EMSY: variants seen among roughly 807,000 people sequenced by gnomAD.
The protein encoded by EMSY is EMSY transcriptional repressor, BRCA2 interacting.
EMSY carries 26 observed loss-of-function variants against 134.6 expected under a neutral mutation model. The ratio of observed to expected loss-of-function variants is 0.19; its 90% CI spans 0.14 to 0.27. EMSY has a LOEUF of 0.27. Among genes scored for constraint, EMSY ranks in the 10% least tolerant of loss-of-function variants. The pLI is 1.00. For synonymous variants in EMSY, 579 were observed against 577.8 expected, an observed-to-expected ratio of 1.00 and a Z score of -0.03; for missense variants, 1,305 against 1,611.4, an observed-to-expected ratio of 0.81 and a Z score of 3.26.
exon 7 of EMSY, chr11:76,463,889 C>G: frequency 6.2e-7 from 1 of 1,614,206 alleles, no homozygotes; most frequent in African/African-American, 1.3e-5. Context: ...CAGCTCCTCT[C>G]CTGTTGTTCT....
At chr11:76,451,075 G>T (rs957188180) in intron 2 of EMSY, among the ~76,000 whole-genome samples, 4 of 152,140 alleles carry the variant, frequency 2.6e-5, no homozygotes, top group Non-Finnish European at 5.9e-5. Context: ...AGGATTACAG[G>T]CATGAGCCAC....
intron 5 of EMSY, 68 bp from the exon 7 acceptor site, chr11:76,459,865 A>G: frequency 3.2e-6 from 5 of 1,571,170 alleles, no homozygotes; most frequent in Non-Finnish European, 4.3e-6. Context: ...TGCAATAAAA[A>G]TAATTTTTTT....
At chr11:76,546,238 C>G (rs892838352) in exon 20 of EMSY, 5 of 1,613,844 alleles carry the variant, frequency 3.1e-6, no homozygotes, top group Non-Finnish European at 2.5e-6. Flanking sequence ...CCAGTTCATG[C>G]GTATTCAGAA....
At chr11:76,544,566 C>T (rs771770439) in exon 19 of EMSY, 1 of 1,614,178 alleles carries the variant, frequency 6.2e-7, no homozygotes, top group East Asian at 2.2e-5. Context: ...AAACTCACCC[C>T]TCTCCAGCAA....
At chr11:76,531,052 A>T (rs1951024043) in intron 14 of EMSY, among the ~76,000 whole-genome samples, 1 of 152,004 alleles carries the variant, frequency 6.6e-6, no homozygotes, top group African/African-American at 2.4e-5. Context: ...TTTGTTGTTG[A>T]TTCTCTGCCC....
chr11:76,449,874 A>G (rs1947581280), intron 2 of EMSY, among the ~76,000 whole-genome samples: 1 of 152,188 alleles, frequency 6.6e-6, no homozygotes, highest in African/African-American at 2.4e-5. Context: ...AATATTCTCC[A>G]TGATACCTTG....
At chr11:76,470,120 A>G (rs1948513698) in intron 7 of EMSY, among the ~76,000 whole-genome samples, 1 of 152,118 alleles carries the variant, frequency 6.6e-6, no homozygotes, top group South Asian at 2.1e-4. Flanking sequence ...AGCTTCTTTG[A>G]GATGTAGGTC....
chr11:76,472,949 A>G, intron 8 of EMSY, 109 bp downstream of exon 9: 1 of 1,115,252 alleles, frequency 9.0e-7, no homozygotes, highest in Non-Finnish European at 1.3e-6. Context: ...CTACTATTAG[A>G]CCCAAGATCA....
chr11:76,486,098 G>A (rs1311505341), intron 8 of EMSY, among the ~76,000 whole-genome samples: 1 of 152,154 alleles, frequency 6.6e-6, no homozygotes, highest in Admixed American at 6.5e-5. Flanking sequence ...CATGTCCTTT[G>A]CGGGGACATG....
At chr11:76,506,242 A>G (rs1950071785) in intron 9 of EMSY, among the ~76,000 whole-genome samples, 1 of 152,212 alleles carries the variant, frequency 6.6e-6, no homozygotes, top group Non-Finnish European at 1.5e-5. Context: ...CTGCACACAA[A>G]AAAGAAAATT....
At chr11:76,446,637 A>G (rs964028954) in intron 1 of EMSY, among the ~76,000 whole-genome samples, 1 of 152,194 alleles carries the variant, frequency 6.6e-6, no homozygotes, top group Admixed American at 6.5e-5. Context: ...TGTAAAGCTT[A>G]GGCTTAACCA....
chr11:76,481,899 A>T (rs1406840269), intron 8 of EMSY, among the ~76,000 whole-genome samples: 1 of 152,186 alleles, frequency 6.6e-6, no homozygotes, highest in Non-Finnish European at 1.5e-5. Context: ...GAGCTCTGCT[A>T]AGGGACAGAC....
Position 76,542,758 on chromosome 11 carries a change from T to TTGTTTTG in EMSY, c.2709+392_2709+393insGTTTTGT, listed in dbSNP as rs796251685. On this transcript the variant is annotated intron_variant, in intron 18 of 20. Transcript: ENST00000334736. ...TAGTTTGTTTTTCGTTTTTTGTTTT[T>TTGTTTTG]TTTTTTTTTTGCTTTTATAATGAAT... Among the ~76,000 whole-genome samples, 1,375 of 149,030 alleles carry TTGTTTTG rather than the reference T, an allele frequency of 9.2e-3. 24 individuals carry two copies. Among genetic ancestry groups the TTGTTTTG allele is most frequent in the African/African-American group, 0.032 (1,310 of 40,410 alleles).
chr11:76,494,660 TTCCTTCCTTCCTTCCTTCC>T, intron 8 of EMSY, among the ~76,000 whole-genome samples: 1 of 2,610 alleles, frequency 3.8e-4, no homozygotes, highest in South Asian at 0.016. Context: ...CCTTCCTTCC[TTCCTTCCTTCCTTCCTTCC>T]TTCCTTCCTT....
chr11:76,445,744 G>A (rs12280236), intron 1 of EMSY, among the ~76,000 whole-genome samples: 12,388 of 152,156 alleles, frequency 0.081, 1,095 homozygotes, highest in African/African-American at 0.22. Flanking sequence ...TGCTCGGTTC[G>A]AGCAGTCGCC....
exon 17 of EMSY, chr11:76,539,606 T>A (rs553650782): frequency 6.2e-7 from 1 of 1,613,892 alleles, no homozygotes; most frequent in South Asian, 1.1e-5. Flanking sequence ...CAGAACGCAC[T>A]GATGAGGGGA....
intron 7 of EMSY, among the ~76,000 whole-genome samples, chr11:76,469,665 G>A (rs917148393): frequency 1.3e-5 from 2 of 152,052 alleles, no homozygotes; most frequent in African/African-American, 4.8e-5. Context: ...TCATTATATC[G>A]TTTAATCCTT....
intron 9 of EMSY, among the ~76,000 whole-genome samples, chr11:76,507,749 A>C (rs544075425): frequency 6.6e-6 from 1 of 152,214 alleles, no homozygotes; most frequent in African/African-American, 2.4e-5. Flanking sequence ...TTCTGAATGC[A>C]TCTAGAACAG....
At chr11:76,540,988 G>A (rs988038099) in intron 17 of EMSY, among the ~76,000 whole-genome samples, 4 of 152,200 alleles carry the variant, frequency 2.6e-5, no homozygotes, top group African/African-American at 9.7e-5. Flanking sequence ...ACTTTGGGAG[G>A]CCGAGGTGGG....
Sources: gnomAD v4.1 joint callset for allele counts (sites outside exome capture counted in the v4.1 genomes callset) on GRCh38, gnomAD v4.1.1 for gene constraint, MANE v1.5 for transcripts, NCBI Gene and HGNC (gene_info 2026-07-23, HGNC 2026-07-21) for gene names.